Variants in NALCN observed in about 807,000 individuals in gnomAD.
The protein encoded by NALCN is sodium leak channel NALCN.
A neutral mutation model predicts 225.3 loss-of-function variants in NALCN; 111 were observed. The observed-to-expected ratio is 0.49, with a 90% CI of 0.42 to 0.58. The LOEUF is 0.58. Ranked by LOEUF, NALCN falls within the 20% of genes least tolerant of loss-of-function variation. The probability of loss-of-function intolerance (pLI) is 0.00; values close to 1 mark genes in which losing one functional copy is unlikely to be tolerated. For missense variants in NALCN, 1,378 were observed against 2,202.4 expected, an observed-to-expected ratio of 0.63 and a Z score of 7.49; for synonymous variants, 764 against 769.0, an observed-to-expected ratio of 0.99 and a Z score of 0.11.
intron 7 of NALCN, among the ~76,000 whole-genome samples, chr13:101,325,023 G>A (rs1174700775): frequency 6.6e-6 from 1 of 152,072 alleles, no homozygotes; most frequent in Non-Finnish European, 1.5e-5. Context: ...TTTCCTTAAA[G>A]GATTAAACTT....
At chr13:101,107,677 G>A in intron 21 of NALCN, 21 bp downstream of exon 21, 2 of 1,613,822 alleles carry the variant, frequency 1.2e-6, no homozygotes, top group Non-Finnish European at 1.7e-6. Flanking sequence ...GAGAGCCATG[G>A]GACACTGCAG....
intron 39 of NALCN, among the ~76,000 whole-genome samples, chr13:101,066,559 C>T (rs568921994): frequency 1.3e-5 from 2 of 149,966 alleles, no homozygotes; most frequent in African/African-American, 4.9e-5. Context: ...ACTGACATCT[C>T]GGTGTGCAGG....
chr13:101,350,783 T>C (rs1330646687), intron 6 of NALCN, among the ~76,000 whole-genome samples: 2 of 152,196 alleles, frequency 1.3e-5, no homozygotes, highest in Non-Finnish European at 2.9e-5. Context: ...GTGGGACTCA[T>C]CTTATTAATA....
intron 13 of NALCN, among the ~76,000 whole-genome samples, chr13:101,207,550 T>C (rs2040359503): frequency 6.6e-6 from 1 of 152,246 alleles, no homozygotes; most frequent in South Asian, 2.1e-4. Context: ...AATGTTTTGA[T>C]ACATAGTATT....
chr13:101,102,500 T>C (rs1566814432), intron 26 of NALCN, among the ~76,000 whole-genome samples: 1 of 152,150 alleles, frequency 6.6e-6, no homozygotes, highest in Non-Finnish European at 1.5e-5. Flanking sequence ...TTGATCACTG[T>C]TTTGTAAGGC....
chr13:101,404,289 G>C (rs59945159), intron 1 of NALCN, among the ~76,000 whole-genome samples: 6,118 of 152,246 alleles, frequency 0.04, 230 homozygotes, highest in East Asian at 0.12. Flanking sequence ...TGAGATTCAT[G>C]CAAAAATCCA....
intron 12 of NALCN, among the ~76,000 whole-genome samples, chr13:101,237,209 TAAATAAG>T (rs912689147): frequency 3.9e-5 from 6 of 151,926 alleles, no homozygotes; most frequent in African/African-American, 1.4e-4. Context: ...TATTACAAGT[TAAATAAG>T]AATTATAAGT....
rs560011336 is a variant in NALCN at position 101,144,016 on chromosome 13, C to T, written c.1976+744G>A. Reference sequence around the variant, plus strand: ...TTAGAAATGCAAATATATTTCTACCCGAATTTTAAATATTATGGCACCATA... The same window carrying T: ...TTAGAAATGCAAATATATTTCTACCTGAATTTTAAATATTATGGCACCATA... On this transcript the variant is annotated intron_variant, in intron 16 of 43. Transcript: ENST00000251127. Among the ~76,000 whole-genome samples, 13 of 152,128 alleles carry T rather than the reference C, an allele frequency of 8.5e-5. No homozygotes were observed. In the South Asian group the frequency reaches 1.0e-3, roughly 12 times the overall value.
At chr13:101,186,319 A>G (rs939094808) in intron 14 of NALCN, among the ~76,000 whole-genome samples, 3 of 152,146 alleles carry the variant, frequency 2.0e-5, no homozygotes, top group African/African-American at 7.2e-5. Context: ...CTAATTTCCA[A>G]TTATTTGTAG....
At position 101,368,715 on chromosome 13, in the gene NALCN, T is replaced by A. The variant is rs113361297; in HGVS notation, c.644+7985A>T. The A allele has an allele frequency of 6.5e-3, 985 of 152,500 alleles. 8 individuals carry two copies. The highest frequency in any genetic ancestry group is 0.018 in the Admixed American group (277 of 15,282). The allele number at this position is 152,500 out of a possible 1,614,324, so 9.4% of individuals were successfully genotyped here. On this transcript the variant is annotated intron_variant, in intron 6 of 43. Transcript: ENST00000251127. ...GTAATATTGAACTGAAATTTTTTTT[T>A]AAAAATAAGGCTGGACATGGTGGCT...
chr13:101,162,817 T>C (rs2139874581), intron 15 of NALCN, among the ~76,000 whole-genome samples: 1 of 152,362 alleles, frequency 6.6e-6, no homozygotes, highest in East Asian at 1.9e-4. Flanking sequence ...ATCCTTACAG[T>C]TAAGCAGTGG....
At chr13:101,183,302 A>G (rs1440856348) in intron 14 of NALCN, among the ~76,000 whole-genome samples, 1 of 152,236 alleles carries the variant, frequency 6.6e-6, no homozygotes, top group Non-Finnish European at 1.5e-5. Context: ...TGATGTAATA[A>G]AGGAATTTTA....
At chr13:101,129,987 G>C (rs1431558914) in intron 17 of NALCN, among the ~76,000 whole-genome samples, 2 of 151,650 alleles carry the variant, frequency 1.3e-5, no homozygotes, top group African/African-American at 4.8e-5. Context: ...TTCTGTTCCT[G>C]TGTTAGTTTG....
intron 9 of NALCN, among the ~76,000 whole-genome samples, chr13:101,288,486 C>T (rs1367788564): frequency 6.6e-6 from 1 of 152,138 alleles, no homozygotes; most frequent in Non-Finnish European, 1.5e-5. Context: ...GCACAAGTTG[C>T]TTTAGGCATT....
At chr13:101,165,063 T>C (rs1297012376) in intron 15 of NALCN, among the ~76,000 whole-genome samples, 1 of 152,198 alleles carries the variant, frequency 6.6e-6, no homozygotes, top group Non-Finnish European at 1.5e-5. Flanking sequence ...GCATCAGGAA[T>C]CCTTGATATC....
chr13:101,347,865 T>C (rs972899023), intron 6 of NALCN, among the ~76,000 whole-genome samples: 4 of 152,184 alleles, frequency 2.6e-5, no homozygotes, highest in Non-Finnish European at 5.9e-5. Flanking sequence ...CAAATAATGC[T>C]TGATCTAAAT....
At chr13:101,199,756 C>A (rs2040040859) in intron 13 of NALCN, among the ~76,000 whole-genome samples, 1 of 151,812 alleles carries the variant, frequency 6.6e-6, no homozygotes, top group Admixed American at 6.6e-5. Context: ...TATGTACAAA[C>A]CTGCACGTTG....
intron 11 of NALCN, among the ~76,000 whole-genome samples, chr13:101,249,385 TC>T (rs1178492795): frequency 2.6e-5 from 4 of 152,154 alleles, no homozygotes; most frequent in African/African-American, 9.7e-5. Flanking sequence ...ATTCATTCTT[TC>T]ACAGAAGAGA....
chr13:101,139,252 G>A (rs2036949568), intron 17 of NALCN, among the ~76,000 whole-genome samples: 1 of 152,188 alleles, frequency 6.6e-6, no homozygotes, highest in African/African-American at 2.4e-5. Flanking sequence ...GGTAATTACT[G>A]GGAGAAAATC....
Sources: allele counts gnomAD v4.1 joint callset (sites outside exome capture counted in the v4.1 genomes callset), GRCh38; gene constraint gnomAD v4.1.1; transcripts MANE v1.5; gene names NCBI Gene and HGNC (gene_info 2026-07-23, HGNC 2026-07-21).